EXOC4: variants seen among roughly 807,000 people sequenced by gnomAD.
The protein encoded by EXOC4 is exocyst complex component 4.
Under a neutral mutation model 107.2 loss-of-function variants are expected in EXOC4, and 71 were observed. That is an observed-to-expected ratio of 0.66 (90% CI 0.55 to 0.81). The LOEUF is 0.81. EXOC4 is among the 30% of genes least tolerant of loss of function. The pLI, the probability that EXOC4 is intolerant of heterozygous loss-of-function variation, is 0.00. For missense variants in EXOC4, 1,108 were observed against 1,189.6 expected (o/e 0.93, Z 1.01); for synonymous variants, 456 against 441.2 (o/e 1.03, Z -0.42).
chr7:134,021,189 G>A (rs1795020631), intron 17 of EXOC4, among the ~76,000 whole-genome samples: 1 of 152,136 alleles, frequency 6.6e-6, no homozygotes, highest in South Asian at 2.1e-4. Flanking sequence ...ATTCCATAAA[G>A]ATACTGTAAA....
At chr7:133,629,455 TC>T (rs757397417) in intron 9 of EXOC4, among the ~76,000 whole-genome samples, 13 of 152,216 alleles carry the variant, frequency 8.5e-5, no homozygotes, top group Non-Finnish European at 1.9e-4. Flanking sequence ...CTTGCACTGT[TC>T]CTTTAAATGT....
At chr7:133,793,176 G>A (rs528775728) in intron 10 of EXOC4, among the ~76,000 whole-genome samples, 1 of 152,280 alleles carries the variant, frequency 6.6e-6, no homozygotes, top group African/African-American at 2.4e-5. Flanking sequence ...AGAGTGAACA[G>A]GGAGCACTTT....
chr7:133,994,116 A>G (rs545226753), intron 14 of EXOC4, among the ~76,000 whole-genome samples: 2 of 152,298 alleles, frequency 1.3e-5, no homozygotes, highest in East Asian at 1.9e-4. Context: ...ACAAACAGCT[A>G]ACTAGGTGAC....
chr7:133,959,024 G>A (rs542129437), intron 14 of EXOC4, among the ~76,000 whole-genome samples: 85 of 152,282 alleles, frequency 5.6e-4, no homozygotes, highest in Non-Finnish European at 1.0e-3. Flanking sequence ...TGGTGCAGGT[G>A]TAGGCGGGAG....
chr7:134,048,685 G>A (rs1795713337), intron 17 of EXOC4, among the ~76,000 whole-genome samples: 1 of 152,150 alleles, frequency 6.6e-6, no homozygotes, highest in African/African-American at 2.4e-5. Flanking sequence ...AAAGTTGTGT[G>A]TATTTTAATG....
intron 2 of EXOC4, among the ~76,000 whole-genome samples, chr7:133,288,167 T>C (rs1183639214): frequency 1.3e-5 from 2 of 151,842 alleles, no homozygotes; most frequent in Middle Eastern, 3.2e-3. Context: ...AATTTTTCCA[T>C]GTTGAAAAAA....
chr7:133,697,308 T>A (rs1302231763), intron 10 of EXOC4, among the ~76,000 whole-genome samples: 2 of 152,226 alleles, frequency 1.3e-5, no homozygotes, highest in African/African-American at 4.8e-5. Flanking sequence ...ATTGGGAGAC[T>A]TGAGTAGCTT....
intron 10 of EXOC4, among the ~76,000 whole-genome samples, chr7:133,667,084 G>A (rs904537554): frequency 1.3e-5 from 2 of 151,982 alleles, no homozygotes; most frequent in Non-Finnish European, 2.9e-5. Flanking sequence ...ACAAATACTT[G>A]TCATACATTA....
chr7:133,424,995 A>G (rs1797691962), intron 7 of EXOC4, among the ~76,000 whole-genome samples: 1 of 152,166 alleles, frequency 6.6e-6, no homozygotes, highest in African/African-American at 2.4e-5. Context: ...CAGTGAGGAA[A>G]CAACAGTATT....
At chr7:134,046,301 G>A (rs1454596642) in intron 17 of EXOC4, among the ~76,000 whole-genome samples, 1 of 152,072 alleles carries the variant, frequency 6.6e-6, no homozygotes, top group African/African-American at 2.4e-5. Context: ...GGCCAACATG[G>A]TGAAACCCCG....
intron 9 of EXOC4, among the ~76,000 whole-genome samples, chr7:133,557,220 C>G (rs1266366316): frequency 2.6e-5 from 4 of 152,114 alleles, no homozygotes; most frequent in African/African-American, 9.7e-5. Context: ...TCTCAAATAC[C>G]ACCCTGGTTT....
chr7:133,861,413 C>T (rs1360178944), intron 11 of EXOC4, among the ~76,000 whole-genome samples: 3 of 152,066 alleles, frequency 2.0e-5, no homozygotes, highest in African/African-American at 2.4e-5. Context: ...CTAGAATAAA[C>T]GTTTAAGAAA....
chr7:134,059,133 T>TC (rs1252280933), intron 17 of EXOC4, among the ~76,000 whole-genome samples: 7 of 152,160 alleles, frequency 4.6e-5, no homozygotes, highest in Admixed American at 2.0e-4. Context: ...GGCCTTGCTG[T>TC]CACCCCTACA....
At chr7:133,674,162 G>A (rs1442510178) in intron 10 of EXOC4, among the ~76,000 whole-genome samples, 1 of 152,152 alleles carries the variant, frequency 6.6e-6, no homozygotes, top group African/African-American at 2.4e-5. Flanking sequence ...AAATCCCAAA[G>A]GATTGATGGC....
At chr7:133,480,517 T>A (rs1799129530) in intron 9 of EXOC4, 1 of 978,480 alleles carries the variant, frequency 1.0e-6, no homozygotes. Flanking sequence ...TACCTGAGAT[T>A]TGGGAAAGGG....
At chr7:133,741,141 T>C (rs771722155) in intron 10 of EXOC4, among the ~76,000 whole-genome samples, 2 of 152,204 alleles carry the variant, frequency 1.3e-5, no homozygotes, top group Non-Finnish European at 2.9e-5. Flanking sequence ...TTCTGGAAGA[T>C]GACTGTCTAC....
intron 6 of EXOC4, among the ~76,000 whole-genome samples, chr7:133,369,800 C>CTTTTTTTTTTTTT (rs35258276): frequency 1.2e-5 from 1 of 86,640 alleles, no homozygotes; most frequent in Non-Finnish European, 2.1e-5. Context: ...ACTAGATTTC[C>CTTTTTTTTTTTTT]TTTTTTTTTT....
At chr7:133,878,046 T>C (rs140435501) in intron 11 of EXOC4, among the ~76,000 whole-genome samples, 4 of 152,324 alleles carry the variant, frequency 2.6e-5, no homozygotes, top group African/African-American at 9.6e-5. Flanking sequence ...TCTAATTGCT[T>C]AAGGCACGAT....
chr7:133,938,060 A>G lies in EXOC4; in HGVS notation c.2197A>G (p.Thr733Ala). 6.2e-7 allele frequency: 1 copy of G among 1,614,168 alleles called. No individual in the cohort carries two copies. The highest frequency in any genetic ancestry group is 8.5e-7 in the Non-Finnish European group (1 of 1,180,024). ...RTKSAFSNLSTSQMLSPAQDS... is the reference protein window; with the variant it reads ...RTKSAFSNLSASQMLSPAQDS... ...AAAGTCAGCTTTCTCCAATCTTTCT[A>G]CATCCCAGAGTAAGTATCTAGTAGG... The change falls in exon 14 of 18, where the codon ACA (threonine) becomes GCA (alanine). Residue 733 changes from threonine (T) to alanine (A), a missense_variant. Transcript: ENST00000253861.
Sources: gnomAD v4.1 joint callset for allele counts (sites outside exome capture counted in the v4.1 genomes callset) on GRCh38, gnomAD v4.1.1 for gene constraint, MANE v1.5 for transcripts, NCBI Gene and HGNC (gene_info 2026-07-23, HGNC 2026-07-21) for gene names.